The following NLGN1 variants were observed in gnomAD, a reference collection of about 807,000 sequenced individuals.
NLGN1 encodes the protein neuroligin 1, also known as neuroligin-1.
Under a neutral mutation model 65.5 loss-of-function variants are expected in NLGN1, and 12 were observed. The ratio of observed to expected loss-of-function variants is 0.18; its 90% confidence interval spans 0.12 to 0.30. The LOEUF (loss-of-function observed/expected upper bound fraction) is 0.30. NLGN1 is among the 10% of genes least tolerant of loss of function. The pLI is 1.00. For missense variants in NLGN1, 750 were observed against 1,007.1 expected, an observed-to-expected ratio of 0.74 and a Z score of 3.46; for synonymous variants, 350 against 359.5, an observed-to-expected ratio of 0.97 and a Z score of 0.30.
At chr3:173,775,997 A>G (rs935648061) in intron 3 of NLGN1, among the ~76,000 whole-genome samples, 1 of 152,098 alleles carries the variant, frequency 6.6e-6, no homozygotes, top group African/African-American at 2.4e-5. Context: ...TGTATATTAT[A>G]CACACTTTCT....
intron 3 of NLGN1, among the ~76,000 whole-genome samples, chr3:173,676,513 TG>T (rs1259590455): frequency 6.6e-6 from 1 of 152,320 alleles, no homozygotes; most frequent in Non-Finnish European, 1.5e-5. Context: ...AGTTTTTGTT[TG>T]TTTTTTTCTC....
intron 4 of NLGN1, among the ~76,000 whole-genome samples, chr3:174,207,545 G>A (rs1325628012): frequency 6.6e-6 from 1 of 152,174 alleles, no homozygotes; most frequent in African/African-American, 2.4e-5. Flanking sequence ...TGAACTGAAT[G>A]GACTTTATGA....
At chr3:174,170,828 C>A (rs1349976760) in intron 4 of NLGN1, among the ~76,000 whole-genome samples, 1 of 152,102 alleles carries the variant, frequency 6.6e-6, no homozygotes, top group South Asian at 2.1e-4. Context: ...CATTTTAGTT[C>A]TTCAATAATG....
chr3:173,734,852 G>A (rs1250051952), intron 3 of NLGN1, among the ~76,000 whole-genome samples: 1 of 152,030 alleles, frequency 6.6e-6, no homozygotes, highest in East Asian at 1.9e-4. Flanking sequence ...TCTGAACTCT[G>A]ACTCAAAGTG....
At chr3:174,236,897 A>T (rs1420046590) in intron 4 of NLGN1, among the ~76,000 whole-genome samples, 1 of 152,062 alleles carries the variant, frequency 6.6e-6, no homozygotes, top group African/African-American at 2.4e-5. Flanking sequence ...ACAATTTTCA[A>T]ATCTGTAAAA....
chr3:173,604,854 G>A, exon 3 of NLGN1: 1 of 1,613,712 alleles, frequency 6.2e-7, no homozygotes, highest in Non-Finnish European at 8.5e-7. Flanking sequence ...GGTTCCATAT[G>A]CAGCCCCACC....
chr3:173,633,522 A>G (rs1316569306), intron 3 of NLGN1, among the ~76,000 whole-genome samples: 2 of 152,162 alleles, frequency 1.3e-5, no homozygotes, highest in Non-Finnish European at 1.5e-5. Flanking sequence ...GTTCCTGGAA[A>G]GAGGAATTTG....
intron 4 of NLGN1, among the ~76,000 whole-genome samples, chr3:173,922,752 C>A (rs1479987476): frequency 6.6e-6 from 1 of 152,058 alleles, no homozygotes; most frequent in Non-Finnish European, 1.5e-5. Context: ...CATGTGTCGT[C>A]TCTGGAAAGC....
chr3:174,089,776 T>C (rs1305661142), intron 4 of NLGN1, among the ~76,000 whole-genome samples: 1 of 152,122 alleles, frequency 6.6e-6, no homozygotes, highest in Non-Finnish European at 1.5e-5. Flanking sequence ...TTAATCCAAT[T>C]AAGTTCAAGA....
intron 3 of NLGN1, among the ~76,000 whole-genome samples, chr3:173,690,752 C>T (rs905094671): frequency 1.4e-4 from 21 of 151,970 alleles, no homozygotes; most frequent in Non-Finnish European, 2.6e-4. Flanking sequence ...AAATGCACAA[C>T]GAGGCATAGA....
chr3:174,116,802 T>A (rs1442423471), intron 4 of NLGN1, among the ~76,000 whole-genome samples: 1 of 152,200 alleles, frequency 6.6e-6, no homozygotes, highest in African/African-American at 2.4e-5. Context: ...AGAAGGCATA[T>A]GAGCCATATT....
chr3:173,415,562 A>G (rs935457976), intron 1 of NLGN1, among the ~76,000 whole-genome samples: 1 of 137,388 alleles, frequency 7.3e-6, no homozygotes, highest in Non-Finnish European at 1.6e-5. Flanking sequence ...AGGCAGTGCA[A>G]CCTGGCTTTC....
chr3:173,480,245 T>A lies in NLGN1; in HGVS notation c.-321+45167T>A, dbSNP rs114519545. On this transcript the variant is annotated intron_variant, in intron 2 of 6. Coordinates refer to ENST00000457714, the Ensembl canonical transcript of NLGN1. Reference sequence around the variant, plus strand: ...ACAAACAAGGTATTGCATTATGGAGTCATAGACTGAGAATCAGATGAAGGA... The same window carrying A: ...ACAAACAAGGTATTGCATTATGGAGACATAGACTGAGAATCAGATGAAGGA... Among the ~76,000 whole-genome samples the A allele has an allele frequency of 8.3e-4, 126 of 151,978 alleles. 1 individual carries two copies. Among genetic ancestry groups the A allele is most frequent in the African/African-American group, 3.0e-3 (123 of 41,446 alleles).
intron 4 of NLGN1, among the ~76,000 whole-genome samples, chr3:173,938,278 T>G (rs556938419): frequency 2.8e-4 from 43 of 152,246 alleles, no homozygotes; most frequent in African/African-American, 1.0e-3. Flanking sequence ...CGAATTGTTT[T>G]AGAGGATAAA....
intron 2 of NLGN1, among the ~76,000 whole-genome samples, chr3:173,556,638 CCTT>C (rs1397257518): frequency 6.6e-6 from 1 of 151,820 alleles, no homozygotes; most frequent in African/African-American, 2.4e-5. Context: ...TAATGAGTCC[CCTT>C]CTTATAATTT....
At chr3:173,500,070 T>C (rs1473784763) in intron 2 of NLGN1, among the ~76,000 whole-genome samples, 7 of 152,194 alleles carry the variant, frequency 4.6e-5, no homozygotes, top group African/African-American at 9.6e-5. Context: ...TTGCCCTGGC[T>C]AGAACTTCCA....
At chr3:173,420,347 G>C (rs1039468926) in intron 1 of NLGN1, among the ~76,000 whole-genome samples, 1 of 151,852 alleles carries the variant, frequency 6.6e-6, no homozygotes, top group Non-Finnish European at 1.5e-5. Context: ...TTGTCCTTGC[G>C]ATAGTTTGCT....
At chr3:173,784,788 A>G (rs1363007960) in intron 3 of NLGN1, among the ~76,000 whole-genome samples, 4 of 152,212 alleles carry the variant, frequency 2.6e-5, no homozygotes, top group African/African-American at 4.8e-5. Context: ...AAATATATAC[A>G]ACAGATAGAA....
At position 174,089,461 on chromosome 3, in the gene NLGN1, G is replaced by C. The variant is rs76225738; in HGVS notation, c.647-185854G>C. On this transcript the variant is annotated intron_variant, in intron 4 of 6. Coordinates refer to ENST00000457714, the Ensembl canonical transcript of NLGN1. ...AAACCTAGAGTCCACAAAAACAGCA[G>C]CCTTCCTTGAAATAAGAGAGGATAC... is the stretch of plus-strand genomic sequence containing the variant. 2.8e-4 allele frequency among the ~76,000 whole-genome samples: 42 copies of C among 152,222 alleles called. No individual in the cohort carries two copies. In the East Asian group the frequency reaches 4.4e-3, roughly 16 times the overall value.
Sources: allele counts gnomAD v4.1 joint callset (sites outside exome capture counted in the v4.1 genomes callset), GRCh38; gene constraint gnomAD v4.1.1; transcripts MANE v1.5; gene names NCBI Gene and HGNC (gene_info 2026-07-23, HGNC 2026-07-21).